The following BRINP3 variants were observed in gnomAD, a reference collection of about 807,000 sequenced individuals.
The protein encoded by BRINP3 is BMP/retinoic acid-inducible neural-specific protein 3.
Under a neutral mutation model 71.0 loss-of-function variants are expected in BRINP3, and 19 were observed. The ratio of observed to expected loss-of-function variants is 0.27; its 90% CI spans 0.19 to 0.39. The LOEUF is 0.39. BRINP3 is among the 10% of genes least tolerant of loss of function. The pLI is 1.00. For missense variants in BRINP3, 959 were observed against 940.8 expected (o/e 1.02, Z -0.25); for synonymous variants, 380 against 337.7 (o/e 1.13, Z -1.37).
chr1:190,101,926 C>T lies in BRINP3; in HGVS notation c.1185-2792G>A, dbSNP rs181073062. ...CAATCCTTTGCATGTCTGGCAAATA[C>T]ATTATGGAAGGAAAGCGTTTCGGCT... On this transcript the variant is annotated intron_variant, in intron 7 of 7. Transcript: ENST00000367462. 2.6e-5 allele frequency among the ~76,000 whole-genome samples: 4 copies of T among 152,248 alleles called. No individual in the cohort carries two copies. The East Asian group carries it at 7.7e-4, about 29-fold the overall frequency.
At chr1:190,368,068 C>T (rs1148612) in intron 2 of BRINP3, among the ~76,000 whole-genome samples, 114,430 of 151,984 alleles carry the variant, frequency 0.75, 43,290 homozygotes, top group Non-Finnish European at 0.79. Flanking sequence ...CACTACCCAG[C>T]ACCGATGTAC....
intron 3 of BRINP3, among the ~76,000 whole-genome samples, chr1:190,270,651 T>C (rs951387331): frequency 2.6e-5 from 4 of 151,722 alleles, no homozygotes; most frequent in African/African-American, 9.7e-5. Flanking sequence ...TGAAAAGTCA[T>C]TGAAGACAAA....
intron 7 of BRINP3, among the ~76,000 whole-genome samples, chr1:190,105,455 T>C (rs961995777): frequency 2.0e-5 from 3 of 152,158 alleles, no homozygotes; most frequent in African/African-American, 7.2e-5. Context: ...ATTGAGCTTT[T>C]CTCATGTGCA....
Position 190,454,936 on chromosome 1 carries a change from A to G in BRINP3, c.-46T>C, listed in dbSNP as rs1304370074. ...GCCTTCATTCTCTCAGCTTTCCCTC[A>G]ACACCTAGACAAAATACACAGGCAA... On this transcript the variant is annotated 5_prime_UTR_variant, in exon 2 of 8. Coordinates refer to ENST00000367462, the MANE Select transcript of BRINP3 (RefSeq NM_199051.3). 1 of 1,495,352 alleles carries G rather than the reference A, an allele frequency of 6.7e-7. No individual in the cohort carries two copies. Among genetic ancestry groups the G allele is most frequent in the Admixed American group, 1.7e-5 (1 of 57,690 alleles). The allele number at this position is 1,495,352 out of a possible 1,614,324, so 92.6% of individuals were successfully genotyped here. A position where few individuals can be genotyped will look rare whatever the true frequency, so the allele number is the denominator to read the frequency against.
chr1:190,241,166 T>C (rs1659054184), intron 4 of BRINP3, among the ~76,000 whole-genome samples: 1 of 152,052 alleles, frequency 6.6e-6, no homozygotes, highest in Admixed American at 6.6e-5. Context: ...GAAAATTTAT[T>C]GAATTTTTTG....
chr1:190,196,460 T>C (rs189142280), intron 6 of BRINP3, among the ~76,000 whole-genome samples: 288 of 152,262 alleles, frequency 1.9e-3, no homozygotes, highest in African/African-American at 6.7e-3. Context: ...CCAAAAAACA[T>C]TTAAACATGT....
intron 2 of BRINP3, among the ~76,000 whole-genome samples, chr1:190,395,844 A>T (rs1671531825): frequency 1.3e-5 from 2 of 151,836 alleles, no homozygotes; most frequent in Non-Finnish European, 2.9e-5. Flanking sequence ...TTTTGGTAAT[A>T]AAGAAAGGAA....
intron 2 of BRINP3, among the ~76,000 whole-genome samples, chr1:190,372,708 G>A (rs1328366577): frequency 1.3e-5 from 2 of 152,106 alleles, no homozygotes; most frequent in African/African-American, 4.8e-5. Flanking sequence ...TCGTTTCTAA[G>A]GCAATTTCAG....
intron 2 of BRINP3, among the ~76,000 whole-genome samples, chr1:190,365,684 T>C (rs887316854): frequency 1.4e-5 from 2 of 145,846 alleles, no homozygotes; most frequent in African/African-American, 5.0e-5. Flanking sequence ...TAATACAATA[T>C]AATACACAAT....
At position 190,189,653 on chromosome 1, in the gene BRINP3, T is replaced by G. The variant is rs12042466; in HGVS notation, c.962-28763A>C. 9.1e-4 allele frequency among the ~76,000 whole-genome samples: 139 copies of G among 152,250 alleles called. 8 individuals carry two copies. The East Asian group carries it at 0.02, about 22-fold the overall frequency. ...AAATTTCTCATTCTACTCACTTTTT[T>G]TAATTTTTCCCATTGATTTTTTTTA... On this transcript the variant is annotated intron_variant, in intron 6 of 7. Coordinates refer to ENST00000367462, the MANE Select transcript of BRINP3 (RefSeq NM_199051.3).
chr1:190,353,951 T>C (rs1176813914), intron 2 of BRINP3, among the ~76,000 whole-genome samples: 1 of 152,008 alleles, frequency 6.6e-6, no homozygotes, highest in Non-Finnish European at 1.5e-5. Flanking sequence ...AATCTGATCG[T>C]ATACTTTCTT....
chr1:190,139,267 G>T (rs746320500), intron 7 of BRINP3, among the ~76,000 whole-genome samples: 10 of 151,700 alleles, frequency 6.6e-5, no homozygotes, highest in Non-Finnish European at 1.5e-4. Flanking sequence ...GGGCAACATG[G>T]TGAAACCCCC....
intron 4 of BRINP3, among the ~76,000 whole-genome samples, chr1:190,249,149 A>G (rs1469548733): frequency 6.6e-6 from 1 of 151,788 alleles, no homozygotes; most frequent in African/African-American, 2.4e-5. Flanking sequence ...ACTACTAGAG[A>G]AAACCATGCC....
chr1:190,456,941 T>C (rs1174597390), intron 1 of BRINP3, among the ~76,000 whole-genome samples: 2 of 152,144 alleles, frequency 1.3e-5, no homozygotes, highest in Admixed American at 1.3e-4. Context: ...TATTAACAAA[T>C]GTAGATGTGA....
chr1:190,464,462 C>T (rs1571383876), intron 1 of BRINP3, among the ~76,000 whole-genome samples: 1 of 151,754 alleles, frequency 6.6e-6, no homozygotes, highest in South Asian at 2.1e-4. Flanking sequence ...GTTCATATGA[C>T]CAGATTACGA....
At chr1:190,424,181 T>C (rs1432996416) in intron 2 of BRINP3, among the ~76,000 whole-genome samples, 2 of 151,730 alleles carry the variant, frequency 1.3e-5, no homozygotes, top group Non-Finnish European at 3.0e-5. Flanking sequence ...ACTTCCTATG[T>C]TGTGAGTTCT....
chr1:190,214,607 C>T (rs1656248407), intron 6 of BRINP3, among the ~76,000 whole-genome samples: 1 of 151,936 alleles, frequency 6.6e-6, no homozygotes, highest in South Asian at 2.1e-4. Flanking sequence ...TGTCATTTTT[C>T]TGGCTGAAAC....
At chr1:190,136,680 T>C (rs1230922448) in intron 7 of BRINP3, among the ~76,000 whole-genome samples, 1 of 152,180 alleles carries the variant, frequency 6.6e-6, no homozygotes, top group Non-Finnish European at 1.5e-5. Flanking sequence ...AAATTTTTCA[T>C]ATAGTCTGCA....
chr1:190,446,208 G>T (rs1254144179), intron 2 of BRINP3, among the ~76,000 whole-genome samples: 1 of 151,844 alleles, frequency 6.6e-6, no homozygotes, highest in Non-Finnish European at 1.5e-5. Context: ...GTATTATATG[G>T]TTTAATCTCA....
Sources: allele counts gnomAD v4.1 joint callset (sites outside exome capture counted in the v4.1 genomes callset), GRCh38; gene constraint gnomAD v4.1.1; transcripts MANE v1.5; gene names NCBI Gene and HGNC (gene_info 2026-07-23, HGNC 2026-07-21).